The following ESRRG variants were observed in gnomAD, a reference collection of about 807,000 sequenced individuals.
ESRRG encodes estrogen related receptor gamma.
Under a neutral mutation model 44.0 loss-of-function variants are expected in ESRRG, and 13 were observed. The observed-to-expected ratio is 0.30, with a 90% CI of 0.19 to 0.47. ESRRG has a LOEUF of 0.47. Among genes scored for constraint, ESRRG ranks in the 20% least tolerant of loss-of-function variants. The pLI is 1.00. For synonymous variants in ESRRG, 215 were observed against 214.6 expected (o/e 1.00, Z -0.02); for missense variants, 395 against 580.6 (o/e 0.68, Z 3.29).
chr1:216,771,383 C>T (rs1006072413), intron 2 of ESRRG, among the ~76,000 whole-genome samples: 4 of 152,112 alleles, frequency 2.6e-5, no homozygotes, highest in Admixed American at 1.3e-4. Flanking sequence ...GCCTTATAAT[C>T]TTTGCCATAG....
rs145599772 is a variant in ESRRG, at chr1:216,898,770, G to A, written c.-14+40812C>T. On this transcript the variant is annotated intron_variant, in intron 2 of 7. Transcript: ENST00000359162. ...TTTCCATAGAAACCAAGTCATCAATGGAGCCTAGGTTTCTAGGTCACTGCA... is the reference window on the plus strand; with the variant it reads ...TTTCCATAGAAACCAAGTCATCAATAGAGCCTAGGTTTCTAGGTCACTGCA... 3.4e-3 allele frequency among the ~76,000 whole-genome samples: 516 copies of A among 152,196 alleles called. 5 individuals are homozygous for A. Among genetic ancestry groups the A allele is most frequent in the Non-Finnish European group, 5.7e-3 (389 of 67,990 alleles).
At chr1:216,837,318 G>A (rs1329963916) in intron 2 of ESRRG, among the ~76,000 whole-genome samples, 15 of 151,922 alleles carry the variant, frequency 9.9e-5, no homozygotes, top group Admixed American at 9.8e-4. Flanking sequence ...GGCTGAGGCA[G>A]GAGAATGGCG....
chr1:217,026,519 T>A (rs1014835997), intron 1 of ESRRG, among the ~76,000 whole-genome samples: 5 of 152,144 alleles, frequency 3.3e-5, no homozygotes, highest in Admixed American at 3.3e-4. Context: ...GCTTACAGTT[T>A]ATTAAATAGC....
intron 1 of ESRRG, among the ~76,000 whole-genome samples, chr1:217,082,668 CCA>C (rs1307600305): frequency 5.3e-5 from 8 of 150,872 alleles, no homozygotes; most frequent in Non-Finnish European, 1.0e-4. Context: ...CACCCCCACC[CCA>C]CACACACACA....
At chr1:217,090,274 A>G (rs4272688), upstream of ESRRG, among the ~76,000 whole-genome samples, 51,062 of 151,902 alleles carry the variant, frequency 0.34, 9,521 homozygotes, top group African/African-American at 0.48. Context: ...ACCGTCACCA[A>G]TCCCCGCCTG....
chr1:217,050,171 C>T lies in ESRRG; in HGVS notation c.-106+39336G>A, dbSNP rs182705722. Among the ~76,000 whole-genome samples, 170 of 152,196 alleles carry T rather than the reference C, an allele frequency of 1.1e-3. 2 individuals are homozygous for T. The highest frequency in any genetic ancestry group is 3.7e-3 in the African/African-American group (155 of 41,540). On this transcript the variant is annotated intron_variant, in intron 1 of 7. Transcript: ENST00000359162. The stretch of plus-strand genomic sequence containing the variant: ...TGACCTGGACCTCAAGGATCATCTA[C>T]AGTGATGTGCCAAGATATTTGAGCT...
intron 5 of ESRRG, among the ~76,000 whole-genome samples, chr1:216,549,038 C>T (rs939230099): frequency 6.6e-6 from 1 of 152,050 alleles, no homozygotes; most frequent in Admixed American, 6.6e-5. Flanking sequence ...TAGAACATGA[C>T]AAATCTGTCA....
At chr1:216,853,064 A>G (rs4581330) in intron 2 of ESRRG, among the ~76,000 whole-genome samples, 69,690 of 152,074 alleles carry the variant, frequency 0.46, 17,289 homozygotes, top group African/African-American at 0.65. Flanking sequence ...AAACTTTGTA[A>G]TACTCTACAT....
rs73104905 is a variant in ESRRG at position 217,119,085 on chromosome 1, A to G, written c.-230+18582T>C. ...TACAGATACAGATAGATATATTTCA[A>G]GAAAACAATAAAGAATGATGTATCC... On this transcript the variant is annotated intron_variant, in intron 1 of 8. Transcript: ENST00000366940. 2.9e-3 allele frequency among the ~76,000 whole-genome samples: 442 copies of G among 152,338 alleles called. 2 individuals carry two copies. Among genetic ancestry groups the G allele is most frequent in the African/African-American group, 0.01 (425 of 41,574 alleles).
chr1:216,869,285 C>G (rs554711414), intron 2 of ESRRG, among the ~76,000 whole-genome samples: 1 of 152,144 alleles, frequency 6.6e-6, no homozygotes, highest in South Asian at 2.1e-4. Flanking sequence ...CTTTTTCCCC[C>G]TGTTGATGTT....
intron 2 of ESRRG, 92 bp from the exon 3 acceptor site, chr1:216,651,181 T>C (rs2068849485): frequency 2.6e-6 from 2 of 779,030 alleles, no homozygotes; most frequent in Non-Finnish European, 4.6e-6. Flanking sequence ...TTATTCTTAC[T>C]CTCCCACCCC....
chr1:216,516,588 G>T (rs1258655463), intron 6 of ESRRG, among the ~76,000 whole-genome samples: 1 of 144,680 alleles, frequency 6.9e-6, no homozygotes, highest in African/African-American at 2.5e-5. Flanking sequence ...TTTCATTTTT[G>T]CACAAAAAGT....
At chr1:216,807,243 G>A (rs995629441) in intron 2 of ESRRG, among the ~76,000 whole-genome samples, 1 of 152,120 alleles carries the variant, frequency 6.6e-6, no homozygotes, top group African/African-American at 2.4e-5. Flanking sequence ...CCGCAAAGAC[G>A]GTTGGGAGAG....
intron 1 of ESRRG, among the ~76,000 whole-genome samples, chr1:217,020,751 C>T (rs1457857751): frequency 6.6e-6 from 1 of 152,184 alleles, no homozygotes; most frequent in African/African-American, 2.4e-5. Flanking sequence ...GTAAATTACA[C>T]ACTGCATGCT....
intron 2 of ESRRG, among the ~76,000 whole-genome samples, chr1:216,752,593 T>A (rs2092124571): frequency 6.6e-6 from 1 of 152,134 alleles, no homozygotes; most frequent in African/African-American, 2.4e-5. Flanking sequence ...AAAGAACTTC[T>A]GGGCATTTGA....
chr1:217,026,910 C>CAGAGAGAGAGAGAGAGAGAGAG (rs1414926581), intron 1 of ESRRG, among the ~76,000 whole-genome samples: 20 of 97,246 alleles, frequency 2.1e-4, no homozygotes, highest in African/African-American at 7.2e-4. Context: ...CACACACACA[C>CAGAGAGAGAGAGAGAGAGAGAG]ACAGAGAGAG....
intron 4 of ESRRG, among the ~76,000 whole-genome samples, chr1:216,566,045 C>T (rs11572774): frequency 4.7e-4 from 72 of 151,666 alleles, no homozygotes; most frequent in South Asian, 3.7e-3. Context: ...ATACTTGACA[C>T]GAGAGGTCAG....
chr1:217,124,211 G>A (rs550262764), intron 1 of ESRRG, among the ~76,000 whole-genome samples: 5 of 152,178 alleles, frequency 3.3e-5, no homozygotes, highest in East Asian at 1.9e-4. Context: ...GACTTTGAAC[G>A]GAAGACACCA....
At chr1:216,622,026 T>C (rs1431576952) in intron 3 of ESRRG, among the ~76,000 whole-genome samples, 3 of 152,210 alleles carry the variant, frequency 2.0e-5, no homozygotes, top group Non-Finnish European at 4.4e-5. Context: ...GGATGACTAC[T>C]GTCTACAAAC....
Sources: gnomAD v4.1 joint callset for allele counts (sites outside exome capture counted in the v4.1 genomes callset) on GRCh38, gnomAD v4.1.1 for gene constraint, MANE v1.5 for transcripts, NCBI Gene and HGNC (gene_info 2026-07-23, HGNC 2026-07-21) for gene names.